The following PTCH1 variants were observed in gnomAD, a reference collection of about 807,000 sequenced individuals.
The protein encoded by PTCH1 is protein patched homolog 1.
A neutral mutation model predicts 144.6 loss-of-function variants in PTCH1; 14 were observed. That is an observed-to-expected ratio of 0.10 (90% CI 0.06 to 0.15). The LOEUF (loss-of-function observed/expected upper bound fraction) is 0.15, where lower values mean the gene tolerates loss of function less well. PTCH1 is among the 10% of genes least tolerant of loss of function. The pLI is 1.00. For synonymous variants in PTCH1, 833 were observed against 793.6 expected (o/e 1.05, Z -0.83); for missense variants, 1,623 against 1,948.3 (o/e 0.83, Z 3.14).
chr9:95,473,894 C>A (rs1056378974), intron 12 of PTCH1: 1 of 343,516 alleles, frequency 2.9e-6, no homozygotes, highest in Non-Finnish European at 5.8e-6. Flanking sequence ...AGGTATTCTT[C>A]AGTAAGATGA....
Position 95,480,010 on chromosome 9 carries a change from A to T in PTCH1, c.1026T>A (p.Ile342=), listed in dbSNP as rs2118390453. ...TGCTGTTCTTGACTGTGCCACCCACAATCAACTCCTCCTGCCAGTGCATAT... is the reference window on the plus strand; with the variant it reads ...TGCTGTTCTTGACTGTGCCACCCACTATCAACTCCTCCTGCCAGTGCATAT... ...RKYMHWQEEL[I]VGGTVKNSTG... is the part of the protein sequence containing the mutation. The change falls in exon 7 of 24, where the codon ATT becomes ATA. Residue 342 remains isoleucine (I), a synonymous_variant. Coordinates refer to ENST00000331920, the MANE Select transcript of PTCH1 (RefSeq NM_000264.5). The T allele has an allele frequency of 6.2e-7, 1 of 1,614,142 alleles. No individual in the cohort carries two copies.
chr9:95,488,286 G>A (rs1448819500), intron 2 of PTCH1, among the ~76,000 whole-genome samples: 1 of 152,020 alleles, frequency 6.6e-6, no homozygotes, highest in African/African-American at 2.4e-5. Flanking sequence ...AAAACCTGTC[G>A]CTCCCCCATC....
intron 1 of PTCH1, chr9:95,507,440 G>C (rs1267995034): frequency 1.0e-6 from 1 of 985,250 alleles, no homozygotes; most frequent in East Asian, 1.1e-4. Context: ...ACATTTCAGC[G>C]AGCCTCGTAA....
intron 2 of PTCH1, chr9:95,494,516 C>A: frequency 5.4e-6 from 5 of 919,712 alleles, no homozygotes; most frequent in Non-Finnish European, 6.5e-6. Flanking sequence ...CCATCCGGAA[C>A]AGCGTACTTT....
intron 2 of PTCH1, among the ~76,000 whole-genome samples, chr9:95,494,090 G>C (rs1313123502): frequency 5.9e-5 from 9 of 152,066 alleles, no homozygotes; most frequent in African/African-American, 1.9e-4. Flanking sequence ...GCACGGGACC[G>C]CACGGGGCAT....
upstream of PTCH1, among the ~76,000 whole-genome samples, chr9:95,513,890 C>T (rs1844255354): frequency 6.6e-6 from 1 of 152,094 alleles, no homozygotes; most frequent in Admixed American, 6.5e-5. Flanking sequence ...CTAATTACCC[C>T]TGATCTCCTT....
At chr9:95,459,032 C>T (rs546176466) in intron 17 of PTCH1, among the ~76,000 whole-genome samples, 41 of 152,262 alleles carry the variant, frequency 2.7e-4, no homozygotes, top group Admixed American at 2.0e-3. Flanking sequence ...CCAAAGCATA[C>T]GCTACTAATA....
At position 95,446,180 on chromosome 9, in the gene PTCH1, C is replaced by A; in HGVS notation, c.*213G>T. ...GCCCCAGATCATACCACTTTACATC[C>A]TTCCTTCCTATATTACACATGTGTA... On this transcript the variant is annotated 3_prime_UTR_variant, in exon 24 of 24. Transcript: ENST00000331920. 1 of 343,808 alleles carries A rather than the reference C, an allele frequency of 2.9e-6. No individual in the cohort carries two copies. The allele number at this position is 343,808 out of a possible 1,614,324, so 21.3% of individuals were successfully genotyped here.
At chr9:95,502,633 T>C (rs768158607) in intron 2 of PTCH1, among the ~76,000 whole-genome samples, 2 of 152,332 alleles carry the variant, frequency 1.3e-5, no homozygotes, top group South Asian at 2.1e-4. Flanking sequence ...TAACATATAA[T>C]TGACAGTTTA....
intron 18 of PTCH1, among the ~76,000 whole-genome samples, 167 bp from the exon 19 acceptor site, chr9:95,456,580 G>C (rs969522081): frequency 1.3e-5 from 2 of 152,146 alleles, no homozygotes; most frequent in Non-Finnish European, 2.9e-5. Context: ...TCATCTTCCC[G>C]CTGGGAAGGG....
intron 2 of PTCH1, among the ~76,000 whole-genome samples, chr9:95,504,697 G>C (rs1345346131): frequency 6.6e-6 from 1 of 152,084 alleles, no homozygotes; most frequent in Non-Finnish European, 1.5e-5. Context: ...GGCCCCTGCT[G>C]GTGTCCCGCC....
rs927016290 is a variant in PTCH1 at position 95,461,756 on chromosome 9, C to T, written c.2703+100G>A. 3.9e-6 allele frequency: 6 copies of T among 1,525,174 alleles called. No individual in the cohort carries two copies. The African/African-American group carries it at 6.9e-5, about 18-fold the overall frequency. 94.5% of individuals were successfully genotyped at this position (1,525,174 alleles called of 1,614,324 possible). ...ACCAGCTCCCAGTGCCTTAGGTCTC[C>T]AGAGAGCACAGGGTGGGGTCACACG... On this transcript the variant is annotated intron_variant, in intron 16 of 23. Coordinates refer to ENST00000331920, the MANE Select transcript of PTCH1 (RefSeq NM_000264.5).
chr9:95,514,627 T>TGTGTGTGG (rs1235185277), intron 1 of PTCH1: 3 of 132,500 alleles, frequency 2.3e-5, no homozygotes, highest in African/African-American at 9.0e-5. Flanking sequence ...AAAAGGTGTG[T>TGTGTGTGG]GTGTGTGTGT....
intron 1 of PTCH1, 43 bp downstream of exon 1, chr9:95,508,118 A>T (rs1227597610): frequency 6.2e-7 from 1 of 1,608,176 alleles, no homozygotes; most frequent in African/African-American, 1.3e-5. Flanking sequence ...CCAAAGAGTT[A>T]GAGGAGGGAA....
Position 95,449,852 on chromosome 9 carries a change from G to C in PTCH1, c.3538C>G (p.Pro1180Ala), listed in dbSNP as rs1314555601. ...GTGTCACTACTGACCTCAGGATATG[G>C]TCCAAAGAAAGACAAAAGCACGGGA... ...LLPVLLSFFG[P>A]YPEVSPANGL... is the part of the protein sequence containing the mutation. Residue 1180 changes from proline (P) to alanine (A), a missense_variant, in exon 21 of 24, where the codon CCA (proline) becomes GCA (alanine). Pro to Ala is a conservative substitution (Grantham distance 27, BLOSUM62 -1). Coordinates refer to ENST00000331920, the MANE Select transcript of PTCH1 (RefSeq NM_000264.5). The surrounding 1 kb of genome is among the most constrained non-coding windows in gnomAD (Gnocchi z 5.3). 1 of 1,613,522 alleles carries C rather than the reference G, an allele frequency of 6.2e-7. No individual in the cohort carries two copies. The highest frequency in any genetic ancestry group is 8.5e-7 in the Non-Finnish European group (1 of 1,179,432).
At chr9:95,502,775 C>T (rs561778467) in intron 2 of PTCH1, among the ~76,000 whole-genome samples, 12 of 152,260 alleles carry the variant, frequency 7.9e-5, no homozygotes, top group African/African-American at 2.9e-4. Flanking sequence ...TTAGTCTGCA[C>T]ATTGTGGCTG....
At chr9:95,467,077 A>G (rs1331227109) in intron 15 of PTCH1, 39 bp downstream of exon 15, 1 of 1,602,688 alleles carries the variant, frequency 6.2e-7, no homozygotes, top group East Asian at 2.2e-5. Flanking sequence ...CTGAACACGC[A>G]AAAGACCGAA....
At chr9:95,482,485 A>C in intron 3 of PTCH1, 1 of 479,818 alleles carries the variant, frequency 2.1e-6, no homozygotes, top group Non-Finnish European at 3.8e-6. Flanking sequence ...TCTTGTTTAC[A>C]CCATTAATCT....
At chr9:95,474,873 T>A (rs1336883319) in intron 12 of PTCH1, among the ~76,000 whole-genome samples, 2 of 152,196 alleles carry the variant, frequency 1.3e-5, no homozygotes, top group Non-Finnish European at 1.5e-5. Flanking sequence ...TAAAGCTGTG[T>A]GAGTGTGCCG....
Sources: allele counts gnomAD v4.1 joint callset (sites outside exome capture counted in the v4.1 genomes callset), GRCh38; gene constraint gnomAD v4.1.1; non-coding constraint Gnocchi (gnomAD v3.1); transcripts MANE v1.5; gene names NCBI Gene and HGNC (gene_info 2026-07-23, HGNC 2026-07-21).